AGBL4: variants seen among roughly 807,000 people sequenced by gnomAD.
The protein encoded by AGBL4 is cytosolic carboxypeptidase 6.
In AGBL4, 58 loss-of-function variants were observed where a neutral mutation model predicts 66.4. The observed-to-expected ratio is 0.87, with a 90% CI of 0.71 to 1.09. The LOEUF is 1.09. Ranked by LOEUF, AGBL4 falls within the 50% of genes least tolerant of loss-of-function variation. The pLI is 0.00. For synonymous variants in AGBL4, 234 were observed against 222.9 expected, an observed-to-expected ratio of 1.05 and a Z score of -0.44; for missense variants, 579 against 631.0, an observed-to-expected ratio of 0.92 and a Z score of 0.88.
chr1:48,879,467 G>C (rs1328538627), intron 5 of AGBL4, among the ~76,000 whole-genome samples: 1 of 148,706 alleles, frequency 6.7e-6, no homozygotes, highest in Non-Finnish European at 1.5e-5. Context: ...CTTACACTTT[G>C]TATAGACAAG....
At chr1:48,854,758 G>T (rs1314693271) in intron 6 of AGBL4, among the ~76,000 whole-genome samples, 3 of 152,172 alleles carry the variant, frequency 2.0e-5, no homozygotes, top group African/African-American at 7.2e-5. Flanking sequence ...AGAATGAGAA[G>T]TGATAAAAAA....
chr1:48,721,321 A>G (rs961883755), intron 6 of AGBL4, among the ~76,000 whole-genome samples: 7 of 152,140 alleles, frequency 4.6e-5, no homozygotes, highest in African/African-American at 1.7e-4. Context: ...CTCAACATGG[A>G]AACCACATTT....
At chr1:49,921,907 C>G (rs1652296464) in intron 1 of AGBL4, among the ~76,000 whole-genome samples, 1 of 152,136 alleles carries the variant, frequency 6.6e-6, no homozygotes, top group African/African-American at 2.4e-5. Flanking sequence ...ATATCAATAT[C>G]CTCTGGCAAC....
intron 6 of AGBL4, among the ~76,000 whole-genome samples, chr1:48,768,990 G>A (rs565455562): frequency 6.6e-6 from 1 of 152,206 alleles, no homozygotes; most frequent in Non-Finnish European, 1.5e-5. Flanking sequence ...CTGTGGTGTT[G>A]CAGAAAGACA....
At chr1:48,819,391 A>G (rs761465347) in intron 6 of AGBL4, among the ~76,000 whole-genome samples, 6 of 152,182 alleles carry the variant, frequency 3.9e-5, no homozygotes, top group Admixed American at 6.5e-5. Flanking sequence ...TCTCTGAGAA[A>G]GGCTAGAGAG....
intron 3 of AGBL4, among the ~76,000 whole-genome samples, chr1:49,587,758 C>T (rs757959525): frequency 6.6e-6 from 1 of 152,118 alleles, no homozygotes; most frequent in Non-Finnish European, 1.5e-5. Context: ...ACAACAGCAA[C>T]TTGTTGTTTG....
intron 3 of AGBL4, among the ~76,000 whole-genome samples, chr1:49,529,105 T>C (rs1211463955): frequency 6.6e-6 from 1 of 152,066 alleles, no homozygotes; most frequent in Admixed American, 6.5e-5. Context: ...GGTGCAGGGC[T>C]GTAATCAGGA....
At chr1:49,168,086 A>C (rs1646665900) in intron 4 of AGBL4, among the ~76,000 whole-genome samples, 1 of 152,312 alleles carries the variant, frequency 6.6e-6, no homozygotes, top group East Asian at 1.9e-4. Context: ...ATTTTATATA[A>C]GGGACTTGAG....
intron 1 of AGBL4, among the ~76,000 whole-genome samples, chr1:49,889,617 C>T (rs951806640): frequency 2.6e-5 from 4 of 151,926 alleles, no homozygotes; most frequent in Admixed American, 6.6e-5. Context: ...AATAGCTGGG[C>T]GTGGTGGCAC....
chr1:49,064,102 A>G (rs1192152044), intron 4 of AGBL4, among the ~76,000 whole-genome samples: 1 of 152,234 alleles, frequency 6.6e-6, no homozygotes, highest in Non-Finnish European at 1.5e-5. Context: ...CAAAGCATCT[A>G]ATAATAAAAT....
chr1:49,719,073 C>T (rs1486484517), intron 2 of AGBL4, among the ~76,000 whole-genome samples: 1 of 152,022 alleles, frequency 6.6e-6, no homozygotes, highest in Non-Finnish European at 1.5e-5. Flanking sequence ...CCTCTGCAGC[C>T]TCTTTCAATT....
At chr1:49,558,201 C>T (rs371980935) in intron 3 of AGBL4, among the ~76,000 whole-genome samples, 2 of 151,960 alleles carry the variant, frequency 1.3e-5, no homozygotes, top group Non-Finnish European at 2.9e-5. Flanking sequence ...CACATTACCA[C>T]CTGTGGTAGC....
chr1:49,975,794 G>A (rs867018531), intron 1 of AGBL4, among the ~76,000 whole-genome samples: 3 of 152,076 alleles, frequency 2.0e-5, no homozygotes, highest in East Asian at 1.9e-4. Context: ...TGCCTAGCAC[G>A]GTTTCTGCAC....
At chr1:49,450,972 G>A (rs566352786) in intron 3 of AGBL4, among the ~76,000 whole-genome samples, 119 of 152,090 alleles carry the variant, frequency 7.8e-4, no homozygotes, top group African/African-American at 2.7e-3. Context: ...TGATATGACT[G>A]GATTCTCTAC....
chr1:49,848,387 C>A (rs1192076667), intron 2 of AGBL4, among the ~76,000 whole-genome samples: 4 of 152,158 alleles, frequency 2.6e-5, no homozygotes, highest in African/African-American at 9.7e-5. Context: ...TATTACAATA[C>A]TATTCACAAT....
At chr1:49,252,247 G>T (rs999192426) in intron 3 of AGBL4, among the ~76,000 whole-genome samples, 1 of 151,948 alleles carries the variant, frequency 6.6e-6, no homozygotes, top group African/African-American at 2.4e-5. Context: ...CACACTACAA[G>T]AATTTCATAA....
intron 2 of AGBL4, among the ~76,000 whole-genome samples, chr1:49,764,950 A>G (rs1357209429): frequency 3.3e-5 from 5 of 152,136 alleles, no homozygotes; most frequent in Non-Finnish European, 7.3e-5. Flanking sequence ...AGGAAAACAG[A>G]TCAAGTTTGA....
intron 1 of AGBL4, among the ~76,000 whole-genome samples, chr1:49,984,002 G>A (rs1659299493): frequency 6.6e-6 from 1 of 152,184 alleles, no homozygotes; most frequent in Admixed American, 6.5e-5. Flanking sequence ...TTAAAATAGA[G>A]ATCATGAGAC....
intron 6 of AGBL4, among the ~76,000 whole-genome samples, chr1:48,856,925 G>A (rs952259109): frequency 6.6e-5 from 10 of 152,150 alleles, no homozygotes. Flanking sequence ...TCTGTCTGGG[G>A]AAGAGGACTG....
Sources: gnomAD v4.1 joint callset for allele counts (sites outside exome capture counted in the v4.1 genomes callset) on GRCh38, gnomAD v4.1.1 for gene constraint, MANE v1.5 for transcripts, NCBI Gene and HGNC (gene_info 2026-07-23, HGNC 2026-07-21) for gene names.